Variants in DAB1 observed in about 807,000 individuals in gnomAD.
DAB1 encodes DAB adaptor protein 1.
Under a neutral mutation model 64.6 loss-of-function variants are expected in DAB1, and 15 were observed. The observed-to-expected ratio is 0.23, with a 90% CI of 0.16 to 0.36. The LOEUF is 0.36. DAB1 is among the 10% of genes least tolerant of loss of function. The pLI, the probability that DAB1 is intolerant of heterozygous loss-of-function variation, is 1.00. For missense variants in DAB1, 596 were observed against 706.7 expected (o/e 0.84, Z 1.78); for synonymous variants, 235 against 251.9 (o/e 0.93, Z 0.64).
At chr1:57,385,270 A>T (rs193298250) in intron 1 of DAB1, among the ~76,000 whole-genome samples, 41 of 152,360 alleles carry the variant, frequency 2.7e-4, no homozygotes, top group Admixed American at 9.8e-4. Flanking sequence ...TTGAGTCTAG[A>T]TGTTTCACAT....
chr1:58,318,594 A>G (rs1016403743), intron 4 of DAB1, among the ~76,000 whole-genome samples: 1 of 152,228 alleles, frequency 6.6e-6, no homozygotes, highest in African/African-American at 2.4e-5. Flanking sequence ...CTAGAAGCCA[A>G]AAGGGGAATT....
At chr1:57,941,191 A>T (rs1645098885) in intron 5 of DAB1, among the ~76,000 whole-genome samples, 1 of 152,210 alleles carries the variant, frequency 6.6e-6, no homozygotes, top group African/African-American at 2.4e-5. Context: ...TTGTGGACTC[A>T]AGCGCAGATT....
Position 57,317,081 on chromosome 1 carries a change from G to A in DAB1, c.-136-25915C>T, listed in dbSNP as rs1465145968. Among the ~76,000 whole-genome samples the A allele has an allele frequency of 2.0e-5, 3 of 152,154 alleles. No individual in the cohort carries two copies. The East Asian group carries it at 5.8e-4, about 29-fold the overall frequency. On this transcript the variant is annotated intron_variant, in intron 1 of 14. Transcript: ENST00000371236. ...TGCCCTCTCATTAGCTTGCTCTGAT[G>A]GAAGCCAGCTGCCATATTTGTGAGC... is the stretch of plus-strand genomic sequence containing the variant.
chr1:58,124,435 A>G (rs183602488), intron 5 of DAB1, among the ~76,000 whole-genome samples: 118 of 152,242 alleles, frequency 7.8e-4, no homozygotes, highest in Non-Finnish European at 1.4e-3. Context: ...TTCAGTAATG[A>G]TTTAGGGGCT....
At chr1:58,074,428 A>T (rs1231722865) in intron 5 of DAB1, 1 of 148,832 alleles carries the variant, frequency 6.7e-6, no homozygotes, top group African/African-American at 2.5e-5. Flanking sequence ...GAATAATTGT[A>T]AGTATCCAGG....
intron 7 of DAB1, among the ~76,000 whole-genome samples, chr1:57,634,860 A>C (rs566786556): frequency 2.0e-5 from 3 of 152,348 alleles, no homozygotes; most frequent in Non-Finnish European, 4.4e-5. Context: ...CAGATTATAG[A>C]GGTATGGCAA....
At chr1:58,115,864 G>A (rs1477976270) in intron 5 of DAB1, among the ~76,000 whole-genome samples, 1 of 121,798 alleles carries the variant, frequency 8.2e-6, no homozygotes, top group Non-Finnish European at 1.7e-5. Flanking sequence ...GGGAGGGATA[G>A]CATTGGGAGA....
chr1:57,105,035 A>C (rs1311011052), intron 4 of DAB1, among the ~76,000 whole-genome samples: 1 of 152,188 alleles, frequency 6.6e-6, no homozygotes, highest in Non-Finnish European at 1.5e-5. Context: ...ACACAAATGA[A>C]AATGATCACA....
chr1:57,147,630 C>G (rs1659274454), intron 2 of DAB1, among the ~76,000 whole-genome samples: 1 of 152,036 alleles, frequency 6.6e-6, no homozygotes, highest in African/African-American at 2.4e-5. Flanking sequence ...CATAATACAC[C>G]TTATATCATA....
chr1:57,088,102 C>T (rs145881159), intron 4 of DAB1, among the ~76,000 whole-genome samples: 3,314 of 152,286 alleles, frequency 0.022, 124 homozygotes, highest in African/African-American at 0.075. Flanking sequence ...CAGAATTTTG[C>T]TCTTGTTGCC....
intron 1 of DAB1, among the ~76,000 whole-genome samples, chr1:57,842,706 A>T (rs952193563): frequency 6.6e-6 from 1 of 152,176 alleles, no homozygotes; most frequent in Non-Finnish European, 1.5e-5. Context: ...GTTAGAACTC[A>T]CTCACTGTCA....
intron 2 of DAB1, among the ~76,000 whole-genome samples, chr1:57,212,665 C>T (rs1026381139): frequency 8.6e-5 from 13 of 152,042 alleles, no homozygotes; most frequent in African/African-American, 2.2e-4. Context: ...CCGCGCCCCG[C>T]CTTATTTCAT....
chr1:57,255,084 A>C (rs891818200), intron 2 of DAB1, among the ~76,000 whole-genome samples: 3 of 152,230 alleles, frequency 2.0e-5, no homozygotes, highest in Non-Finnish European at 4.4e-5. Context: ...ACATCTCATG[A>C]ATGGATAAAT....
At chr1:57,834,637 A>T (rs1652731051) in intron 1 of DAB1, among the ~76,000 whole-genome samples, 1 of 151,568 alleles carries the variant, frequency 6.6e-6, no homozygotes, top group Non-Finnish European at 1.5e-5. Context: ...ACACAGTTTT[A>T]TATATATATA....
chr1:58,010,728 A>G (rs1646655757), intron 5 of DAB1, among the ~76,000 whole-genome samples: 2 of 152,208 alleles, frequency 1.3e-5, no homozygotes, highest in Admixed American at 6.5e-5. Flanking sequence ...CTAGTCCTGC[A>G]GGGCTCTCAG....
chr1:57,969,190 A>C (rs192652058), intron 5 of DAB1, among the ~76,000 whole-genome samples: 87 of 152,274 alleles, frequency 5.7e-4, no homozygotes, highest in African/African-American at 2.0e-3. Flanking sequence ...AAGAACCATG[A>C]AATTTTTACA....
chr1:58,363,661 G>A (rs542401719), intron 3 of DAB1, among the ~76,000 whole-genome samples: 204 of 152,336 alleles, frequency 1.3e-3, no homozygotes, highest in Non-Finnish European at 2.3e-3. Flanking sequence ...CAAATCAACT[G>A]TGTCCATGCA....
At chr1:57,388,505 T>C (rs565276710) in intron 1 of DAB1, among the ~76,000 whole-genome samples, 1 of 152,268 alleles carries the variant, frequency 6.6e-6, no homozygotes, top group South Asian at 2.1e-4. Context: ...CTCCTTTCTG[T>C]CCAGCCGCAT....
intron 4 of DAB1, among the ~76,000 whole-genome samples, chr1:57,104,661 C>T (rs6674223): frequency 0.18 from 27,803 of 151,984 alleles, 3,168 homozygotes; most frequent in East Asian, 0.56. Flanking sequence ...ACTCACAAGA[C>T]GGGGCTGATG....
Sources: allele counts gnomAD v4.1 joint callset (sites outside exome capture counted in the v4.1 genomes callset), GRCh38; gene constraint gnomAD v4.1.1; transcripts MANE v1.5; gene names NCBI Gene and HGNC (gene_info 2026-07-23, HGNC 2026-07-21).